PCYT1B: variants seen among roughly 807,000 people sequenced by gnomAD.
The protein encoded by PCYT1B is choline-phosphate cytidylyltransferase B.
A neutral mutation model predicts 26.4 loss-of-function variants in PCYT1B; 10 were observed. The observed-to-expected ratio is 0.38, with a 90% CI of 0.23 to 0.64. PCYT1B has a LOEUF of 0.64. PCYT1B is among the 30% of genes least tolerant of loss of function. The probability of loss-of-function intolerance (pLI) is 0.56; values close to 1 mark genes in which losing one functional copy is unlikely to be tolerated. For synonymous variants in PCYT1B, 131 were observed against 108.4 expected (o/e 1.21, Z -1.29); for missense variants, 161 against 292.7 (o/e 0.55, Z 3.28).
intron 3 of PCYT1B, among the ~76,000 whole-genome samples, chrX:24,601,385 C>T (rs1298877939): frequency 1.8e-5 from 2 of 109,119 alleles, no homozygotes; most frequent in Non-Finnish European, 3.8e-5. Context: ...CCCAGCTACT[C>T]GGGAGGCTGA....
chrX:24,659,075 G>A (rs2087475080), intron 1 of PCYT1B, among the ~76,000 whole-genome samples: 1 of 111,855 alleles, frequency 8.9e-6, no homozygotes, highest in Non-Finnish European at 1.9e-5. Context: ...GTCAGTGGCA[G>A]AACTGAGTTT....
intron 5 of PCYT1B, 99 bp from the exon 6 acceptor site, chrX:24,579,557 C>T (rs1157475501): frequency 3.9e-6 from 3 of 772,392 alleles, no homozygotes; most frequent in Non-Finnish European, 5.8e-6. Context: ...AGTTGGAGCT[C>T]CTGGGTATGC....
chrX:24,607,093 T>C (rs1569246004), intron 3 of PCYT1B, among the ~76,000 whole-genome samples: 1 of 111,978 alleles, frequency 8.9e-6, no homozygotes, highest in African/African-American at 3.2e-5. Context: ...ACTATCCCTT[T>C]TAGCCAAAAA....
chrX:24,668,811 A>G (rs1345519402), intron 1 of PCYT1B, among the ~76,000 whole-genome samples: 1 of 111,036 alleles, frequency 9.0e-6, no homozygotes, highest in Non-Finnish European at 1.9e-5. Flanking sequence ...ATTATTTCCT[A>G]CAAGGGCACC....
intron 2 of PCYT1B, 31 bp from the exon 3 acceptor site, chrX:24,607,892 A>G: frequency 2.4e-6 from 2 of 826,687 alleles, no homozygotes; most frequent in Non-Finnish European, 3.5e-6. Flanking sequence ...TGTTAACAGA[A>G]CTGCAGAATG....
chrX:24,630,478 C>G (rs751063727), intron 1 of PCYT1B, among the ~76,000 whole-genome samples: 8 of 110,583 alleles, frequency 7.2e-5, no homozygotes, highest in Admixed American at 2.9e-4. Context: ...TGTATTTTTG[C>G]TAGAGATGGG....
chrX:24,579,548 G>T, intron 5 of PCYT1B, 90 bp from the exon 6 acceptor site: 1 of 885,519 alleles, frequency 1.1e-6, no homozygotes, highest in Non-Finnish European at 1.6e-6. Flanking sequence ...ACAGGACAAA[G>T]TTGGAGCTCC....
intron 1 of PCYT1B, among the ~76,000 whole-genome samples, chrX:24,629,557 C>A (rs12383145): frequency 1.6e-3 from 17 of 10,424 alleles, no homozygotes; most frequent in Non-Finnish European, 2.5e-3. Flanking sequence ...GAGACCCTGT[C>A]TCAAAAAAAA....
At chrX:24,643,103 C>T (rs1290460441) in intron 1 of PCYT1B, among the ~76,000 whole-genome samples, 1 of 111,756 alleles carries the variant, frequency 8.9e-6, no homozygotes, top group Admixed American at 9.6e-5. Context: ...CCTAGAAGAA[C>T]TTGTCCAAGG....
Position 24,590,050 on chromosome X carries a change from G to A in PCYT1B, c.459C>T (p.Leu153=), listed in dbSNP as rs200463327. ...TGTGTTTTTCCAGAAACTCTGGCGT[G>A]AGTGTCCAGGGAGCATCTCTGATAA... The part of the protein sequence containing the change: ...DEVIRDAPWT[L]TPEFLEKHKI... The change falls in exon 4 of 8, where the codon CTC becomes CTT. Residue 153 remains leucine, a synonymous_variant. Coordinates refer to ENST00000379144, the MANE Select transcript of PCYT1B (RefSeq NM_004845.5). 9 of 1,204,609 alleles carry A rather than the reference G, an allele frequency of 7.5e-6. No individual in the cohort carries two copies. Among genetic ancestry groups the A allele is most frequent in the Non-Finnish European group, 9.0e-6 (8 of 891,157 alleles).
intron 3 of PCYT1B, among the ~76,000 whole-genome samples, chrX:24,605,652 C>T (rs935060255): frequency 1.1e-4 from 12 of 111,844 alleles, no homozygotes; most frequent in African/African-American, 2.6e-4. Flanking sequence ...GGGCCGGGAG[C>T]GGTGGCTCAC....
intron 7 of PCYT1B, among the ~76,000 whole-genome samples, chrX:24,569,918 T>C (rs1487058808): frequency 1.8e-5 from 2 of 111,904 alleles, no homozygotes; most frequent in Non-Finnish European, 3.8e-5. Context: ...GCACAGTGGC[T>C]CATGCCTGTA....
At chrX:24,616,059 C>T (rs1925479773) in intron 2 of PCYT1B, among the ~76,000 whole-genome samples, 2 of 110,876 alleles carry the variant, frequency 1.8e-5, no homozygotes, top group African/African-American at 3.3e-5. Flanking sequence ...AGTCATCTCA[C>T]ATGGTCTTTG....
At position 24,590,028 on chromosome X, in the gene PCYT1B, G is replaced by A. The variant is rs754236113; in HGVS notation, c.481C>T (p.His161Tyr). Reference sequence around the variant, plus strand: ...TGTGGGAGAATGAGAAGTACCTTGTGTTTTTCCAGAAACTCTGGCGTGAGT... The same window carrying A: ...TGTGGGAGAATGAGAAGTACCTTGTATTTTTCCAGAAACTCTGGCGTGAGT... ...WTLTPEFLEK[H>Y]KIDFVAHDDI... Residue 161 changes from histidine to tyrosine, a missense_variant, in exon 4 of 8, where the codon CAC becomes TAC. By Grantham distance (83) the His-to-Tyr change is moderately conservative. Coordinates refer to ENST00000379144, the MANE Select transcript of PCYT1B (RefSeq NM_004845.5). 3.2e-5 allele frequency: 39 copies of A among 1,201,289 alleles called. No homozygotes were observed. Among genetic ancestry groups the A allele is most frequent in the Non-Finnish European group, 4.3e-5 (38 of 889,873 alleles).
At chrX:24,582,427 A>C (rs1175546954) in intron 5 of PCYT1B, among the ~76,000 whole-genome samples, 1 of 112,298 alleles carries the variant, frequency 8.9e-6, no homozygotes, top group Non-Finnish European at 1.9e-5. Context: ...CTCTGTTGAC[A>C]TAATGAGATA....
chrX:24,598,579 G>A (rs1048591026), intron 3 of PCYT1B, among the ~76,000 whole-genome samples: 7 of 110,309 alleles, frequency 6.3e-5, no homozygotes, highest in African/African-American at 1.6e-4. Flanking sequence ...ACTCTTCTTC[G>A]TATAAATATC....
intron 7 of PCYT1B, among the ~76,000 whole-genome samples, chrX:24,565,821 CA>C (rs1201648166): frequency 6.7e-5 from 7 of 104,429 alleles, no homozygotes; most frequent in African/African-American, 2.4e-4. Flanking sequence ...AGAAAAAAGG[CA>C]AAAAATAGTG....
intron 1 of PCYT1B, among the ~76,000 whole-genome samples, chrX:24,625,347 G>A (rs1296762501): frequency 1.6e-4 from 18 of 111,296 alleles, no homozygotes; most frequent in African/African-American, 5.9e-4. Context: ...TATTTATTGT[G>A]GAGTCAGAAT....
At chrX:24,635,590 T>TC (rs1926245744) in intron 1 of PCYT1B, among the ~76,000 whole-genome samples, 1 of 112,085 alleles carries the variant, frequency 8.9e-6, no homozygotes, top group African/African-American at 3.2e-5. Context: ...ACAGAAACCA[T>TC]ATTTTACAAG....
Sources: allele counts gnomAD v4.1 joint callset (sites outside exome capture counted in the v4.1 genomes callset), GRCh38; gene constraint gnomAD v4.1.1; transcripts MANE v1.5; gene names NCBI Gene and HGNC (gene_info 2026-07-23, HGNC 2026-07-21).